PRDM16: variants seen among roughly 807,000 people sequenced by gnomAD.
The protein encoded by PRDM16 is PR/SET domain 16, also known as histone-lysine N-methyltransferase PRDM16.
PRDM16 carries 23 observed loss-of-function variants against 110.6 expected under a neutral mutation model. The observed-to-expected ratio is 0.21, with a 90% confidence interval of 0.15 to 0.29. The LOEUF (loss-of-function observed/expected upper bound fraction) is 0.29, where lower values mean the gene tolerates loss of function less well. PRDM16 is among the 10% of genes least tolerant of loss of function. The pLI, the probability that PRDM16 is intolerant of heterozygous loss-of-function variation, is 1.00. For missense variants in PRDM16, 1,615 were observed against 1,794.3 expected, an observed-to-expected ratio of 0.90 and a Z score of 1.81; for synonymous variants, 799 against 781.8, an observed-to-expected ratio of 1.02 and a Z score of -0.37.
At position 3,411,532 on chromosome 1, in the gene PRDM16, C is replaced by G; in HGVS notation, c.1335C>G (p.Cys445Trp). 15 of 1,614,200 alleles carry G rather than the reference C, an allele frequency of 9.3e-6. No individual in the cohort carries two copies. The highest frequency in any genetic ancestry group is 1.3e-5 in the Non-Finnish European group (15 of 1,180,044). ...CCCTCAACAAGCACCGGCGCTTCTG[C>G]GAGGGCAAGAACCATTACACGCCGG... is the stretch of plus-strand genomic sequence containing the variant. ...TSSLNKHRRF[C>W]EGKNHYTPGG... Residue 445 changes from cysteine to tryptophan, a missense_variant, in exon 9 of 17, where the codon TGC (cysteine) becomes TGG (tryptophan). This residue lies in a region of PRDM16 where 772 missense variants were observed against 748.3 expected (regional missense o/e 1.03). Transcript: ENST00000270722.
intron 1 of PRDM16, among the ~76,000 whole-genome samples, chr1:3,155,205 C>T (rs1183082380): frequency 2.0e-5 from 3 of 152,222 alleles, no homozygotes; most frequent in Admixed American, 6.5e-5. Flanking sequence ...GGCATCTCTC[C>T]GGAGGCGTCC....
At chr1:3,172,258 G>A (rs1644034400) in intron 1 of PRDM16, among the ~76,000 whole-genome samples, 2 of 152,160 alleles carry the variant, frequency 1.3e-5, no homozygotes, top group South Asian at 4.2e-4. Flanking sequence ...CCAGAAGGTG[G>A]AAGTGGCTTT....
At chr1:3,217,194 T>C (rs1314907200) in intron 2 of PRDM16, among the ~76,000 whole-genome samples, 2 of 152,240 alleles carry the variant, frequency 1.3e-5, no homozygotes, top group Non-Finnish European at 2.9e-5. Context: ...CGTGTGTGAG[T>C]TGATCGGCAG....
chr1:3,173,340 G>T (rs371587224), intron 1 of PRDM16, among the ~76,000 whole-genome samples: 2 of 152,260 alleles, frequency 1.3e-5, no homozygotes, highest in Non-Finnish European at 2.9e-5. Flanking sequence ...GTCATTCAGC[G>T]CCTGCCCGGG....
At chr1:3,252,583 G>A (rs531067481) in intron 3 of PRDM16, among the ~76,000 whole-genome samples, 3 of 152,302 alleles carry the variant, frequency 2.0e-5, no homozygotes, top group Admixed American at 6.5e-5. Context: ...GAAGCCACCT[G>A]CTGTTAGAGA....
intron 1 of PRDM16, among the ~76,000 whole-genome samples, chr1:3,153,163 C>T (rs1643805939): frequency 6.6e-6 from 1 of 152,220 alleles, no homozygotes; most frequent in African/African-American, 2.4e-5. Context: ...CATGGTGACC[C>T]CTCCCCTGCC....
At chr1:3,389,698 G>A (rs1277109912) in intron 4 of PRDM16, among the ~76,000 whole-genome samples, 1 of 152,240 alleles carries the variant, frequency 6.6e-6, no homozygotes, top group African/African-American at 2.4e-5. Flanking sequence ...CCCCTTCCGA[G>A]GCCAAGGGTC....
chr1:3,083,259 C>A (rs1293889045), intron 1 of PRDM16, among the ~76,000 whole-genome samples: 1 of 152,200 alleles, frequency 6.6e-6, no homozygotes. Context: ...CTGCGCCCCA[C>A]CAAGCAGCAA....
chr1:3,134,107 G>A (rs113733645), intron 1 of PRDM16, among the ~76,000 whole-genome samples: 4 of 152,180 alleles, frequency 2.6e-5, no homozygotes, highest in Admixed American at 6.6e-5. Flanking sequence ...CAGCTGTGTC[G>A]GGAGCAGGAG....
chr1:3,227,369 G>A (rs1027027683), intron 2 of PRDM16, among the ~76,000 whole-genome samples: 3 of 152,266 alleles, frequency 2.0e-5, no homozygotes, highest in African/African-American at 7.2e-5. Context: ...TTGTCCCGAG[G>A]CCACAGGCTT....
At chr1:3,192,912 C>T (rs914511235) in intron 2 of PRDM16, among the ~76,000 whole-genome samples, 12 of 152,184 alleles carry the variant, frequency 7.9e-5, no homozygotes, top group African/African-American at 2.2e-4. Flanking sequence ...AGAACCTTGG[C>T]CCCTCTCTGG....
intron 1 of PRDM16, among the ~76,000 whole-genome samples, chr1:3,118,554 C>T (rs1185453472): frequency 6.6e-6 from 1 of 152,208 alleles, no homozygotes; most frequent in Non-Finnish European, 1.5e-5. Flanking sequence ...CCCAGGTCTC[C>T]ATGAAGATGA....
intron 1 of PRDM16, among the ~76,000 whole-genome samples, chr1:3,102,415 G>C (rs969953227): frequency 2.6e-5 from 4 of 152,234 alleles, no homozygotes; most frequent in Admixed American, 6.5e-5. Flanking sequence ...GGGTCCTCAT[G>C]GGCTGGGGCC....
chr1:3,340,555 G>A (rs149063659), intron 3 of PRDM16, among the ~76,000 whole-genome samples: 6 of 152,220 alleles, frequency 3.9e-5, no homozygotes, highest in Non-Finnish European at 7.4e-5. Context: ...TTTTCCCCCT[G>A]CACAGGGCTC....
intron 3 of PRDM16, among the ~76,000 whole-genome samples, chr1:3,251,183 C>A (rs1275852662): frequency 4.6e-5 from 7 of 152,232 alleles, no homozygotes; most frequent in Non-Finnish European, 1.0e-4. Context: ...CCCCACCCAC[C>A]CCTGCCCTTT....
chr1:3,257,306 G>T (rs1476315006), intron 3 of PRDM16, among the ~76,000 whole-genome samples: 1 of 152,158 alleles, frequency 6.6e-6, no homozygotes, highest in Non-Finnish European at 1.5e-5. Flanking sequence ...GAGACTCTCT[G>T]CCCACCTGGG....
chr1:3,213,858 A>AT lies in PRDM16; in HGVS notation c.387+27386dup, dbSNP rs1450573907. 1.3e-5 allele frequency among the ~76,000 whole-genome samples: 2 copies of AT among 152,064 alleles called. No homozygotes were observed. The highest frequency in any genetic ancestry group is 2.9e-5 in the Non-Finnish European group (2 of 68,004). On this transcript the variant is annotated intron_variant, in intron 2 of 16. Coordinates refer to ENST00000270722, the MANE Select transcript of PRDM16 (RefSeq NM_022114.4). The surrounding 1 kb of genome is among the most constrained non-coding windows in gnomAD (Gnocchi z 5.3). ...TTCCCAGGAGGCCTTGCCACCCCCC[A>AT]TTAATCCTGCAATTCCAGATCATTA...
At chr1:3,233,209 T>A (rs983240720) in intron 2 of PRDM16, among the ~76,000 whole-genome samples, 16 of 152,056 alleles carry the variant, frequency 1.1e-4, no homozygotes, top group African/African-American at 3.1e-4. Flanking sequence ...AGGGTGGGGG[T>A]GGCCGGTGGC....
Position 3,157,322 on chromosome 1 carries a change from A to G in PRDM16, c.38-28803A>G, listed in dbSNP as rs146191101. 2.9e-3 allele frequency among the ~76,000 whole-genome samples: 432 copies of G among 150,136 alleles called. 2 individuals carry two copies. Among genetic ancestry groups the G allele is most frequent in the African/African-American group, 9.3e-3 (377 of 40,536 alleles). On this transcript the variant is annotated intron_variant, in intron 1 of 16. Coordinates refer to ENST00000270722, the MANE Select transcript of PRDM16 (RefSeq NM_022114.4). The surrounding 1 kb of genome is among the most constrained non-coding windows in gnomAD (Gnocchi z 4.8). ...CAAGTACGTCCCAAACACAGCCAGCATTTTGTTGTGTTTACCGCATTTATT... is the reference window on the plus strand; with the variant it reads ...CAAGTACGTCCCAAACACAGCCAGCGTTTTGTTGTGTTTACCGCATTTATT...
Sources: gnomAD v4.1 joint callset for allele counts (sites outside exome capture counted in the v4.1 genomes callset) on GRCh38, gnomAD v4.1.1 for gene constraint, gnomAD v4.1.1 regional missense constraint, Gnocchi (gnomAD v3.1) non-coding constraint, MANE v1.5 for transcripts, NCBI Gene and HGNC (gene_info 2026-07-23, HGNC 2026-07-21) for gene names.